Variants in DNAH6 observed in about 807,000 individuals in gnomAD.
DNAH6 encodes axonemal beta dynein heavy chain 6.
In DNAH6, 340 loss-of-function variants were observed where a neutral mutation model predicts 491.4. The observed-to-expected ratio is 0.69, with a 90% CI of 0.63 to 0.76. The LOEUF is 0.76. DNAH6 is among the 30% of genes least tolerant of loss of function. The pLI is 0.00. For missense variants in DNAH6, 4,443 were observed against 4,972.2 expected (o/e 0.89, Z 3.20); for synonymous variants, 1,603 against 1,686.1 (o/e 0.95, Z 1.21).
At chr2:84,764,497 T>C (rs1030502279) in intron 64 of DNAH6, among the ~76,000 whole-genome samples, 3 of 152,178 alleles carry the variant, frequency 2.0e-5, no homozygotes, top group African/African-American at 7.2e-5. Flanking sequence ...AAACAATTCA[T>C]ACTGCAAGGG....
At chr2:84,621,678 C>T in intron 26 of DNAH6, 127 bp downstream of exon 26, 2 of 539,724 alleles carry the variant, frequency 3.7e-6, no homozygotes, top group East Asian at 2.9e-5. Context: ...TGTAATAGCT[C>T]TTACAAAGCT....
At chr2:84,607,791 G>C (rs1420605775) in intron 21 of DNAH6, among the ~76,000 whole-genome samples, 1 of 151,994 alleles carries the variant, frequency 6.6e-6, no homozygotes, top group African/African-American at 2.4e-5. Context: ...AGTGTTGATG[G>C]GTGGCTGCTG....
chr2:84,528,795 A>C (rs1676853656), intron 3 of DNAH6, 109 bp from the exon 4 acceptor site: 1 of 1,101,974 alleles, frequency 9.1e-7, no homozygotes, highest in South Asian at 1.7e-5. Flanking sequence ...TTTGAGCCCT[A>C]GACATCTCAT....
rs1214951964 is a variant in DNAH6, at chr2:84,813,083, A to C, written c.11951A>C (p.Lys3984Thr). Residue 3984 changes from lysine to threonine, a missense_variant, in exon 74 of 77, where the codon AAG becomes ACG. Transcript: ENST00000389394. ...CTGTGGCTCAAAAGAGGACAGCCTA[A>C]GTCCTACTGGATCTCTGGTTTCTTC... is the stretch of plus-strand genomic sequence containing the variant. ...VDLWLKRGQP[K>T]SYWISGFFFP... 2 of 1,551,884 alleles carry C rather than the reference A, an allele frequency of 1.3e-6. No homozygotes were observed. The highest frequency in any genetic ancestry group is 3.9e-5 in the Admixed American group (2 of 51,010).
At chr2:84,760,475 A>T (rs1357769068) in intron 63 of DNAH6, among the ~76,000 whole-genome samples, 1 of 152,194 alleles carries the variant, frequency 6.6e-6, no homozygotes, top group African/African-American at 2.4e-5. Flanking sequence ...AAAAGAGATA[A>T]TCCAATTAAA....
intron 4 of DNAH6, among the ~76,000 whole-genome samples, chr2:84,532,372 C>G (rs531104481): frequency 6.6e-6 from 1 of 152,246 alleles, no homozygotes; most frequent in South Asian, 2.1e-4. Flanking sequence ...ATCTTCCTCC[C>G]TAACTTGAAC....
chr2:84,715,822 A>G (rs543147706), intron 58 of DNAH6, among the ~76,000 whole-genome samples, 195 bp downstream of exon 58: 3 of 152,052 alleles, frequency 2.0e-5, no homozygotes, highest in African/African-American at 7.2e-5. Flanking sequence ...GATCTTGTCT[A>G]CCGTCTTCTC....
chr2:84,765,503 T>C (rs1162103496), intron 64 of DNAH6, among the ~76,000 whole-genome samples: 9 of 152,050 alleles, frequency 5.9e-5, no homozygotes, highest in African/African-American at 4.8e-5. Flanking sequence ...AAAAAAGAAG[T>C]ATAGAATCAC....
chr2:84,655,094 G>T (rs1033961363), intron 35 of DNAH6, among the ~76,000 whole-genome samples: 1 of 151,974 alleles, frequency 6.6e-6, no homozygotes, highest in Non-Finnish European at 1.5e-5. Flanking sequence ...AGCTACAACA[G>T]CCTGAGGCAT....
intron 33 of DNAH6, among the ~76,000 whole-genome samples, chr2:84,649,654 A>G (rs534079282): frequency 6.6e-6 from 1 of 152,250 alleles, no homozygotes; most frequent in South Asian, 2.1e-4. Flanking sequence ...GAATGAGATC[A>G]TGTTCCTTTT....
chr2:84,579,447 T>C (rs1338148967), intron 13 of DNAH6, 80 bp from the exon 14 acceptor site: 4 of 1,493,650 alleles, frequency 2.7e-6, no homozygotes, highest in Non-Finnish European at 2.8e-6. Context: ...ATTTAACAAA[T>C]CCAATTAGGA....
intron 37 of DNAH6, among the ~76,000 whole-genome samples, chr2:84,662,242 TA>T (rs1691581517): frequency 6.6e-6 from 1 of 152,074 alleles, no homozygotes; most frequent in South Asian, 2.1e-4. Context: ...CCAACTGAGG[TA>T]CCAGGTTCAT....
At chr2:84,485,887 G>A in the DNAH6 span, among the ~76,000 whole-genome samples, 1 of 151,788 alleles carries the variant, frequency 6.6e-6, no homozygotes, top group African/African-American at 2.4e-5. Context: ...CACACAAGAT[G>A]CATTGCTGGC....
At chr2:84,639,262 G>T (rs1689158790) in intron 31 of DNAH6, among the ~76,000 whole-genome samples, 1 of 152,084 alleles carries the variant, frequency 6.6e-6, no homozygotes, top group East Asian at 1.9e-4. Flanking sequence ...AAGAAAACCA[G>T]GTTTAGAGTC....
At chr2:84,626,366 A>C (rs559560939) in intron 29 of DNAH6, among the ~76,000 whole-genome samples, 1 of 152,218 alleles carries the variant, frequency 6.6e-6, no homozygotes, top group Non-Finnish European at 1.5e-5. Context: ...TTCTATAACT[A>C]AATTATGTCT....
In DNAH6 at chr2:84,669,404, A is replaced by G; in HGVS notation, c.6200A>G (p.Glu2067Gly). Residue 2067 changes from glutamate to glycine, a missense_variant, in exon 38 of 77, where the codon GAA becomes GGA. Glu to Gly is a moderately conservative substitution (Grantham distance 98, BLOSUM62 -2). This residue lies in a region of DNAH6 where 2,977 missense variants were observed against 3,296.6 expected (regional missense o/e 0.90). Transcript: ENST00000389394. ...TACAACCGAGATGTTCCATTTTTTGAAATGCTTGTCCCCACAACTGACACA... is the reference window on the plus strand; with the variant it reads ...TACAACCGAGATGTTCCATTTTTTGGAATGCTTGTCCCCACAACTGACACA... ...FKYNRDVPFF[E>G]MLVPTTDTVR... is the part of the protein sequence containing the mutation. 6.4e-7 allele frequency: 1 copy of G among 1,551,980 alleles called. No homozygotes were observed. Among genetic ancestry groups the G allele is most frequent in the Non-Finnish European group, 8.7e-7 (1 of 1,147,038 alleles).
At chr2:84,678,524 T>C (rs1384666811) in intron 41 of DNAH6, among the ~76,000 whole-genome samples, 1 of 152,146 alleles carries the variant, frequency 6.6e-6, no homozygotes, top group East Asian at 1.9e-4. Context: ...TTTATTAAGT[T>C]AAAGCAAATT....
At chr2:84,681,188 C>T (rs1693744634) in intron 41 of DNAH6, among the ~76,000 whole-genome samples, 169 bp from the exon 42 acceptor site, 1 of 152,164 alleles carries the variant, frequency 6.6e-6, no homozygotes, top group South Asian at 2.1e-4. Flanking sequence ...GGAGTGAGCG[C>T]ATTCTCAAGA....
At chr2:84,478,453 G>T in the DNAH6 span, among the ~76,000 whole-genome samples, 3 of 152,300 alleles carry the variant, frequency 2.0e-5, no homozygotes, top group South Asian at 6.2e-4. Flanking sequence ...TTGGAATCCA[G>T]TGACAGTTTG....
Sources: allele counts gnomAD v4.1 joint callset (sites outside exome capture counted in the v4.1 genomes callset), GRCh38; gene constraint gnomAD v4.1.1; regional missense constraint gnomAD v4.1.1; transcripts MANE v1.5; gene names NCBI Gene and HGNC (gene_info 2026-07-23, HGNC 2026-07-21).